The following THSD7A variants were observed in gnomAD, a reference collection of about 807,000 sequenced individuals.
THSD7A encodes the protein thrombospondin type 1 domain containing 7A, also known as thrombospondin type-1 domain-containing protein 7A.
In THSD7A, 96 loss-of-function variants were observed where a neutral mutation model predicts 231.3. That is an observed-to-expected ratio of 0.41 (90% CI 0.35 to 0.49). THSD7A has a LOEUF of 0.49. Ranked by LOEUF, THSD7A falls within the 20% of genes least tolerant of loss-of-function variation. The probability of loss-of-function intolerance (pLI) is 0.05; values close to 1 mark genes in which losing one functional copy is unlikely to be tolerated. For synonymous variants in THSD7A, 940 were observed against 743.3 expected (o/e 1.26, Z -4.30); for missense variants, 2,290 against 2,070.2 (o/e 1.11, Z -2.06).
chr7:11,713,618 C>T (rs1366948920), intron 1 of THSD7A, among the ~76,000 whole-genome samples: 1 of 151,098 alleles, frequency 6.6e-6, no homozygotes, highest in Non-Finnish European at 1.5e-5. Context: ...TACCTGATGC[C>T]TGTGGAATCC....
At chr7:11,735,906 C>A (rs2037769119) in intron 1 of THSD7A, among the ~76,000 whole-genome samples, 1 of 151,706 alleles carries the variant, frequency 6.6e-6, no homozygotes, top group South Asian at 2.1e-4. Context: ...AAATATATGA[C>A]CAGAAAAATG....
intron 1 of THSD7A, among the ~76,000 whole-genome samples, chr7:11,706,360 A>G (rs1277808341): frequency 6.6e-6 from 1 of 150,908 alleles, no homozygotes; most frequent in Admixed American, 6.6e-5. Context: ...TCAAGGAAAT[A>G]CACATTGAAT....
At chr7:11,435,403 G>A (rs972650838) in intron 13 of THSD7A, among the ~76,000 whole-genome samples, 17 of 152,044 alleles carry the variant, frequency 1.1e-4, no homozygotes, top group African/African-American at 2.9e-4. Context: ...TGGTCACACC[G>A]GAGAGACCAA....
chr7:11,550,641 C>A (rs768657711), intron 4 of THSD7A, among the ~76,000 whole-genome samples: 3 of 152,098 alleles, frequency 2.0e-5, no homozygotes, highest in Non-Finnish European at 2.9e-5. Flanking sequence ...GCCTTCCCAG[C>A]GATGTGGAAC....
chr7:11,671,593 T>A (rs528666944), intron 1 of THSD7A, among the ~76,000 whole-genome samples: 4 of 152,288 alleles, frequency 2.6e-5, no homozygotes, highest in Admixed American at 2.0e-4. Flanking sequence ...CATAAAATAA[T>A]CTTTGTTGTT....
intron 1 of THSD7A, among the ~76,000 whole-genome samples, chr7:11,770,868 A>G (rs1396207724): frequency 6.6e-6 from 1 of 152,074 alleles, no homozygotes; most frequent in Admixed American, 6.6e-5. Context: ...AAATCTTTTC[A>G]ATGTATTTTA....
intron 1 of THSD7A, chr7:11,820,815 G>A (rs1489675946): frequency 3.9e-6 from 4 of 1,016,042 alleles, no homozygotes; most frequent in Non-Finnish European, 4.7e-6. Context: ...CTCGCTCTCC[G>A]GTGCTTCTTC....
rs538350756 is a variant in THSD7A, at chr7:11,746,351, T to G, written c.190+85406A>C. Among the ~76,000 whole-genome samples the G allele has an allele frequency of 2.7e-4, 41 of 152,048 alleles. No individual in the cohort carries two copies. The South Asian group carries it at 8.5e-3, about 32-fold the overall frequency. On this transcript the variant is annotated intron_variant, in intron 1 of 27. Coordinates refer to ENST00000423059, the MANE Select transcript of THSD7A (RefSeq NM_015204.3). ...ACTGGTATATTACTATTAACTGAAT[T>G]CCAGATTTTATTTGGATTTCACCAG...
intron 1 of THSD7A, among the ~76,000 whole-genome samples, chr7:11,667,669 G>A (rs192287170): frequency 7.2e-5 from 11 of 152,218 alleles, no homozygotes; most frequent in African/African-American, 2.4e-4. Flanking sequence ...CTGTTAAAAT[G>A]CCGATACATG....
rs566360322 is a variant in THSD7A, at chr7:11,791,328, A to G, written c.190+40429T>C. On this transcript the variant is annotated intron_variant, in intron 1 of 27. Coordinates refer to ENST00000423059, the MANE Select transcript of THSD7A (RefSeq NM_015204.3). ...TGGCAATTGGCATTTGCTATCTCCTATTATGGGTATGGAAATTTTACTGGA... is the reference window on the plus strand; with the variant it reads ...TGGCAATTGGCATTTGCTATCTCCTGTTATGGGTATGGAAATTTTACTGGA... 1.6e-4 allele frequency among the ~76,000 whole-genome samples: 25 copies of G among 152,080 alleles called. No homozygotes were observed. The South Asian group carries it at 5.2e-3, about 32-fold the overall frequency.
In THSD7A at chr7:11,831,769, G is replaced by A; in HGVS notation, c.178C>T (p.Leu60=). The A allele has an allele frequency of 6.8e-7, 1 of 1,478,632 alleles. No homozygotes were observed. Among genetic ancestry groups the A allele is most frequent in the Non-Finnish European group, 9.0e-7 (1 of 1,111,802 alleles). The allele number at this position is 1,478,632 out of a possible 1,614,324, so 91.6% of individuals were successfully genotyped here. Reference sequence around the variant, plus strand: ...CCGTCCCACTTACCAGTCTTCCACAGATAGAGGGTGGGCGCCTCCGCCTCG... The same window carrying A: ...CCGTCCCACTTACCAGTCTTCCACAAATAGAGGGTGGGCGCCTCCGCCTCG... ...QGEAEAPTLY[L]WKTGPWGRCM... Residue 60 remains leucine (L), a synonymous_variant, in exon 1 of 28, where the codon CTG becomes TTG. Coordinates refer to ENST00000423059, the MANE Select transcript of THSD7A (RefSeq NM_015204.3). The surrounding 1 kb of genome is among the most constrained non-coding windows in gnomAD (Gnocchi z 5.0).
chr7:11,621,033 C>G (rs1290551040), intron 2 of THSD7A, among the ~76,000 whole-genome samples: 2 of 152,138 alleles, frequency 1.3e-5, no homozygotes, highest in Non-Finnish European at 2.9e-5. Context: ...GATATGTCAC[C>G]AGTGCACTTT....
chr7:11,757,052 T>G (rs752379083), intron 1 of THSD7A, among the ~76,000 whole-genome samples: 3 of 151,964 alleles, frequency 2.0e-5, no homozygotes, highest in Non-Finnish European at 4.4e-5. Context: ...CTTTTTAACT[T>G]CTGGCATAAT....
intron 1 of THSD7A, among the ~76,000 whole-genome samples, chr7:11,645,108 G>T (rs560438788): frequency 1.3e-5 from 2 of 151,866 alleles, no homozygotes; most frequent in East Asian, 3.9e-4. Flanking sequence ...GATCAGCATT[G>T]GTTATTATAA....
intron 1 of THSD7A, among the ~76,000 whole-genome samples, chr7:11,702,237 C>T (rs1780627229): frequency 2.0e-5 from 3 of 151,242 alleles, no homozygotes. Flanking sequence ...GTTCTCTCTG[C>T]TCAGGGTGTC....
intron 1 of THSD7A, among the ~76,000 whole-genome samples, chr7:11,794,011 G>A (rs1784046147): frequency 2.0e-5 from 3 of 151,944 alleles, no homozygotes; most frequent in South Asian, 2.1e-4. Context: ...TTTCAAAAAC[G>A]AATGTGAAAT....
intron 1 of THSD7A, among the ~76,000 whole-genome samples, chr7:11,794,656 C>T (rs1242818770): frequency 6.6e-6 from 1 of 151,904 alleles, no homozygotes; most frequent in African/African-American, 2.4e-5. Context: ...TTAATATCAT[C>T]GCCTAAGACC....
At chr7:11,500,837 G>A (rs1046848962) in intron 6 of THSD7A, among the ~76,000 whole-genome samples, 10 of 151,976 alleles carry the variant, frequency 6.6e-5, no homozygotes, top group African/African-American at 2.4e-4. Flanking sequence ...TTGGGAGGCT[G>A]AGGCAGAGAA....
At chr7:11,481,738 A>C in intron 7 of THSD7A, 50 bp downstream of exon 7, 1 of 1,498,340 alleles carries the variant, frequency 6.7e-7, no homozygotes, top group African/African-American at 1.4e-5. Context: ...AAAAAGATGC[A>C]CACTAACTTT....
Sources: gnomAD v4.1 joint callset for allele counts (sites outside exome capture counted in the v4.1 genomes callset) on GRCh38, gnomAD v4.1.1 for gene constraint, Gnocchi (gnomAD v3.1) non-coding constraint, MANE v1.5 for transcripts, NCBI Gene and HGNC (gene_info 2026-07-23, HGNC 2026-07-21) for gene names.